Variants in SMCHD1 observed in about 807,000 individuals in gnomAD.
SMCHD1 encodes the protein structural maintenance of chromosomes flexible hinge domain-containing protein 1.
In SMCHD1, 78 loss-of-function variants were observed where a neutral mutation model predicts 254.7. The observed-to-expected ratio is 0.31, with a 90% CI of 0.26 to 0.37. SMCHD1 has a LOEUF of 0.37. SMCHD1 is among the 10% of genes least tolerant of loss of function. The pLI is 1.00. For missense variants in SMCHD1, 1,840 were observed against 2,408.1 expected, an observed-to-expected ratio of 0.76 and a Z score of 4.94; for synonymous variants, 766 against 794.9, an observed-to-expected ratio of 0.96 and a Z score of 0.61.
intron 25 of SMCHD1, among the ~76,000 whole-genome samples, chr18:2,732,825 T>C (rs1329108724): frequency 1.3e-5 from 2 of 152,206 alleles, no homozygotes; most frequent in African/African-American, 2.4e-5. Context: ...AATAAATTGG[T>C]AGCAGTTCTG....
chr18:2,732,804 A>G (rs1218463363), intron 25 of SMCHD1, among the ~76,000 whole-genome samples: 1 of 152,220 alleles, frequency 6.6e-6, no homozygotes, highest in African/African-American at 2.4e-5. Context: ...CACCACCTTG[A>G]TAAAGCTAGC....
At chr18:2,739,202 A>C (rs2075303665) in intron 26 of SMCHD1, among the ~76,000 whole-genome samples, 1 of 152,216 alleles carries the variant, frequency 6.6e-6, no homozygotes, top group Non-Finnish European at 1.5e-5. Flanking sequence ...CTGTGACTTA[A>C]CATGTCTGTA....
At chr18:2,795,297 T>C (rs1191360327) in intron 45 of SMCHD1, among the ~76,000 whole-genome samples, 1 of 137,902 alleles carries the variant, frequency 7.3e-6, no homozygotes, top group Admixed American at 7.6e-5. Flanking sequence ...GACCTCGTGA[T>C]CCACCCGCCT....
At chr18:2,714,408 C>T (rs13381996) in intron 17 of SMCHD1, among the ~76,000 whole-genome samples, 44,736 of 151,678 alleles carry the variant, frequency 0.29, 6,824 homozygotes, top group East Asian at 0.5. Flanking sequence ...TTAGTTGGTT[C>T]ATTTAAAAAA....
chr18:2,748,380 G>GTGTGTGTATGTA (rs561439889), intron 30 of SMCHD1, among the ~76,000 whole-genome samples: 9 of 80,278 alleles, frequency 1.1e-4, no homozygotes, highest in Non-Finnish European at 1.7e-4. Flanking sequence ...GTGTGTGTGT[G>GTGTGTGTATGTA]TGTATATAAA....
rs1568260824 is a variant in SMCHD1 at position 2,732,364 on chromosome 18, A to G, written c.3148A>G (p.Ile1050Val). The G allele has an allele frequency of 6.2e-7, 1 of 1,613,742 alleles. No individual in the cohort carries two copies. The highest frequency in any genetic ancestry group is 8.5e-7 in the Non-Finnish European group (1 of 1,179,832). The part of the protein sequence containing the change: ...QIFSVEGQKA[I>V]QIKHQDEVNW... The stretch of plus-strand genomic sequence containing the variant: ...ATTCAGTGTAGAAGGACAAAAGGCA[A>G]TTCAGATCAAACATCAGGATGAGGT... Residue 1050 changes from isoleucine to valine, a missense_variant, in exon 25 of 48, where the codon ATT (isoleucine) becomes GTT (valine). Coordinates refer to ENST00000320876, the MANE Select transcript of SMCHD1 (RefSeq NM_015295.3).
chr18:2,688,839 G>A (rs1367962974), intron 7 of SMCHD1, 92 bp downstream of exon 7: 3 of 794,610 alleles, frequency 3.8e-6, no homozygotes, highest in Non-Finnish European at 5.5e-6. Context: ...TTTTCAAAAT[G>A]AGTTACCCTT....
In SMCHD1 at chr18:2,802,639, A is replaced by G; in HGVS notation, c.*87A>G. The G allele has an allele frequency of 7.9e-7, 1 of 1,272,444 alleles. No individual in the cohort carries two copies. Among genetic ancestry groups the G allele is most frequent in the Non-Finnish European group, 1.1e-6 (1 of 922,786 alleles). The allele number at this position is 1,272,444 out of a possible 1,614,324, so 78.8% of individuals were successfully genotyped here. ...TTTCAGAAGACCAAGAGGGTGACTT[A>G]CCAGACTGAGTATTTCTGGGGACAA... On this transcript the variant is annotated 3_prime_UTR_variant, in exon 48 of 48. Coordinates refer to ENST00000320876, the MANE Select transcript of SMCHD1 (RefSeq NM_015295.3).
At chr18:2,694,957 C>T (rs2074255276) in intron 8 of SMCHD1, among the ~76,000 whole-genome samples, 1 of 152,168 alleles carries the variant, frequency 6.6e-6, no homozygotes, top group Non-Finnish European at 1.5e-5. Context: ...AAAAGAACTT[C>T]ACAGTTTGTC....
intron 45 of SMCHD1, 131 bp downstream of exon 45, chr18:2,784,752 T>C: frequency 9.6e-7 from 1 of 1,043,410 alleles, no homozygotes; most frequent in South Asian, 1.4e-5. Context: ...AAGTAAGATG[T>C]TTTTGTCTAC....
intron 37 of SMCHD1, 21 bp downstream of exon 37, chr18:2,763,810 G>T: frequency 1.9e-6 from 3 of 1,598,412 alleles, no homozygotes; most frequent in Non-Finnish European, 2.6e-6. Context: ...TATATCTTTT[G>T]GTAGATAGAA....
At chr18:2,760,889 G>A (rs1356859377) in intron 35 of SMCHD1, 150 bp downstream of exon 35, 2 of 524,436 alleles carry the variant, frequency 3.8e-6, no homozygotes, top group Non-Finnish European at 3.4e-6. Flanking sequence ...TATTGGATGT[G>A]AAATATAAAT....
rs976318373 is a variant in SMCHD1, at chr18:2,656,111, C to T, written c.36C>T (p.Ala12=). The T allele has an allele frequency of 5.5e-6, 8 of 1,446,318 alleles. No individual in the cohort carries two copies. Among genetic ancestry groups the T allele is most frequent in the Admixed American group, 3.0e-5 (1 of 33,768 alleles). 89.6% of individuals were successfully genotyped at this position (1,446,318 alleles called of 1,614,324 possible). A position where few individuals can be genotyped will look rare whatever the true frequency, so the allele number is the denominator to read the frequency against. The part of the protein sequence containing the change: ...AAADGGGPGG[A]SVGTEEDGGG... The stretch of plus-strand genomic sequence containing the variant: ...CGGACGGCGGCGGGCCTGGTGGGGC[C>T]TCTGTGGGGACTGAGGAGGATGGCG... Residue 12 remains alanine, a synonymous_variant, in exon 1 of 48, where the codon GCC becomes GCT. Transcript: ENST00000320876.
At chr18:2,657,996 T>C (rs1410215128) in intron 1 of SMCHD1, among the ~76,000 whole-genome samples, 1 of 152,046 alleles carries the variant, frequency 6.6e-6, no homozygotes, top group Non-Finnish European at 1.5e-5. Context: ...TTTGGCTGTG[T>C]TGCCCAGGCT....
chr18:2,796,300 ACTTT>A, intron 46 of SMCHD1, 103 bp from the exon 47 acceptor site: 1 of 855,618 alleles, frequency 1.2e-6, no homozygotes, highest in Non-Finnish European at 1.8e-6. Context: ...TTCTCAGTAT[ACTTT>A]CTTAATTCTT....
intron 45 of SMCHD1, 61 bp downstream of exon 45, chr18:2,784,682 G>T: frequency 6.9e-7 from 1 of 1,440,872 alleles, no homozygotes; most frequent in Non-Finnish European, 9.3e-7. Context: ...ATTTTTCTAA[G>T]AGCTTATGTT....
At chr18:2,795,886 C>T in intron 45 of SMCHD1, 63 bp from the exon 46 acceptor site, 3 of 1,407,726 alleles carry the variant, frequency 2.1e-6, no homozygotes, top group Non-Finnish European at 2.9e-6. Flanking sequence ...TCATTTTTTC[C>T]CCTAAAACAT....
intron 17 of SMCHD1, among the ~76,000 whole-genome samples, chr18:2,712,706 C>T (rs111573730): frequency 8.7e-4 from 133 of 152,298 alleles, no homozygotes; most frequent in African/African-American, 3.1e-3. Flanking sequence ...ATTCTAACCA[C>T]GTAGTAGCTG....
intron 24 of SMCHD1, among the ~76,000 whole-genome samples, chr18:2,729,712 T>C (rs2075099427): frequency 6.6e-6 from 1 of 151,152 alleles, no homozygotes; most frequent in Non-Finnish European, 1.5e-5. Context: ...TCTTTCGCTT[T>C]TTTTTTTTTT....
Sources: allele counts gnomAD v4.1 joint callset (sites outside exome capture counted in the v4.1 genomes callset), GRCh38; gene constraint gnomAD v4.1.1; transcripts MANE v1.5; gene names NCBI Gene and HGNC (gene_info 2026-07-23, HGNC 2026-07-21).